Variants in NDFIP1 observed in about 807,000 individuals in gnomAD.
The protein encoded by NDFIP1 is NEDD4 family-interacting protein 1.
A neutral mutation model predicts 28.8 loss-of-function variants in NDFIP1; 7 were observed. That is an observed-to-expected ratio of 0.24 (90% CI 0.14 to 0.46). The LOEUF (loss-of-function observed/expected upper bound fraction) is 0.46, where lower values mean the gene tolerates loss of function less well. Among genes scored for constraint, NDFIP1 ranks in the 20% least tolerant of loss-of-function variants. The probability of loss-of-function intolerance (pLI) is 0.99; values close to 1 mark genes in which losing one functional copy is unlikely to be tolerated. For synonymous variants in NDFIP1, 92 were observed against 101.0 expected, an observed-to-expected ratio of 0.91 and a Z score of 0.53; for missense variants, 194 against 269.1, an observed-to-expected ratio of 0.72 and a Z score of 1.95.
chr5:142,142,940 A>AAAAAAATATATAT (rs60076432), intron 6 of NDFIP1: 3 of 38,144 alleles, frequency 7.9e-5, no homozygotes, highest in South Asian at 8.0e-4. Context: ...AAAAAAAAAA[A>AAAAAAATATATAT]ATATATATAT....
chr5:142,117,763 C>A (rs1410024218), intron 1 of NDFIP1, among the ~76,000 whole-genome samples: 1 of 141,846 alleles, frequency 7.0e-6, no homozygotes, highest in Non-Finnish European at 1.5e-5. Context: ...GGGCCTCACT[C>A]TGCACCCAGG....
intron 1 of NDFIP1, among the ~76,000 whole-genome samples, chr5:142,119,053 A>AG (rs1275920899): frequency 6.6e-6 from 1 of 152,244 alleles, no homozygotes. Flanking sequence ...TGACAGAGCA[A>AG]GGAACTATAT....
chr5:142,140,850 A>G (rs571453843), intron 6 of NDFIP1, among the ~76,000 whole-genome samples: 84 of 152,306 alleles, frequency 5.5e-4, no homozygotes, highest in Admixed American at 9.8e-4. Context: ...GGTTCTTCCT[A>G]ACCTATACAT....
chr5:142,131,665 T>G (rs935294022), intron 1 of NDFIP1, 143 bp from the exon 2 acceptor site: 1 of 575,084 alleles, frequency 1.7e-6, no homozygotes, highest in Non-Finnish European at 2.9e-6. Flanking sequence ...AGTAGAATAC[T>G]TTTCTTAAAG....
At position 142,153,328 on chromosome 5, in the gene NDFIP1, A is replaced by T; in HGVS notation, c.*1600A>T. Reference sequence around the variant, plus strand: ...ACCAAGATGGTCAAATTACTACACAAATCAGCACCAGCACAGTCTGATAGC... The same window carrying T: ...ACCAAGATGGTCAAATTACTACACATATCAGCACCAGCACAGTCTGATAGC... On this transcript the variant is annotated 3_prime_UTR_variant, in exon 8 of 8. Coordinates refer to ENST00000253814, the MANE Select transcript of NDFIP1 (RefSeq NM_030571.4). 2.2e-6 allele frequency: 1 copy of T among 456,716 alleles called. No individual in the cohort carries two copies. The highest frequency in any genetic ancestry group is 4.4e-6 in the Non-Finnish European group (1 of 226,958). The allele number at this position is 456,716 out of a possible 1,614,324, so 28.3% of individuals were successfully genotyped here. A position where few individuals can be genotyped will look rare whatever the true frequency, so the allele number is the denominator to read the frequency against.
intron 6 of NDFIP1, among the ~76,000 whole-genome samples, chr5:142,141,608 T>C (rs1757332787): frequency 6.6e-6 from 1 of 152,210 alleles, no homozygotes; most frequent in South Asian, 2.1e-4. Flanking sequence ...ATATATATGA[T>C]ACAGTTAGAG....
In NDFIP1 at chr5:142,108,938, C is replaced by A. The variant is rs1257345948; in HGVS notation, c.-37C>A. 2.6e-5 allele frequency: 36 copies of A among 1,407,860 alleles called. No individual in the cohort carries two copies. The highest frequency in any genetic ancestry group is 3.2e-5 in the Non-Finnish European group (35 of 1,080,188). 87.2% of individuals were successfully genotyped at this position (1,407,860 alleles called of 1,614,324 possible). ...AGCGGCCGCGCCCCTTCAGCTAGCT[C>A]GCTCGCTCGCTCTGCTTCCCTGCTG... is the stretch of plus-strand genomic sequence containing the variant. On this transcript the variant is annotated 5_prime_UTR_variant, in exon 1 of 8. Transcript: ENST00000253814.
rs774710593 is a variant in NDFIP1, at chr5:142,144,616, G to T, written c.608G>T (p.Arg203Leu). The T allele has an allele frequency of 1.2e-6, 2 of 1,612,824 alleles. No individual in the cohort carries two copies. Among genetic ancestry groups the T allele is most frequent in the Non-Finnish European group, 1.7e-6 (2 of 1,179,476 alleles). Residue 203 changes from arginine to leucine, a missense_variant, in exon 7 of 8, where the codon CGG becomes CTG. Arg to Leu is a moderately radical substitution (Grantham distance 102). Coordinates refer to ENST00000253814, the MANE Select transcript of NDFIP1 (RefSeq NM_030571.4). ...GGATTTATCAATTATGCAAAAGTTCGGAAGATGCCAGAAACTTTCTCAAAT... is the reference window on the plus strand; with the variant it reads ...GGATTTATCAATTATGCAAAAGTTCTGAAGATGCCAGAAACTTTCTCAAAT... ...LRGFINYAKV[R>L]KMPETFSNLP...
At chr5:142,146,364 T>C (rs1011134097) in intron 7 of NDFIP1, among the ~76,000 whole-genome samples, 2 of 152,248 alleles carry the variant, frequency 1.3e-5, no homozygotes, top group African/African-American at 2.4e-5. Flanking sequence ...TTTGTTTATG[T>C]CTAGAACATA....
At chr5:142,142,941 ATAT>A (rs1206574387) in intron 6 of NDFIP1, 524 of 32,292 alleles carry the variant, frequency 0.016, 8 homozygotes, top group Non-Finnish European at 0.026. Flanking sequence ...AAAAAAAAAA[ATAT>A]ATATATATAT....
chr5:142,131,555 C>T (rs1358802332), intron 1 of NDFIP1, among the ~76,000 whole-genome samples: 3 of 152,048 alleles, frequency 2.0e-5, no homozygotes, highest in African/African-American at 4.8e-5. Flanking sequence ...TTATTTGTCT[C>T]CTATGATTGG....
chr5:142,139,595 A>C (rs1044998527), intron 5 of NDFIP1, among the ~76,000 whole-genome samples: 22 of 152,196 alleles, frequency 1.4e-4, no homozygotes, highest in Admixed American at 1.3e-4. Context: ...GAAGCAAGGA[A>C]AGCTTCTCAG....
intron 2 of NDFIP1, 97 bp downstream of exon 2, chr5:142,131,992 G>T: frequency 7.9e-7 from 1 of 1,266,098 alleles, no homozygotes; most frequent in Non-Finnish European, 1.1e-6. Flanking sequence ...GCAGTTGGAA[G>T]AAAGGTTACA....
At chr5:142,118,970 T>A (rs544509280) in intron 1 of NDFIP1, among the ~76,000 whole-genome samples, 3 of 152,280 alleles carry the variant, frequency 2.0e-5, no homozygotes, top group Non-Finnish European at 4.4e-5. Flanking sequence ...TTCCTTTTAT[T>A]GAAAAATAAT....
intron 1 of NDFIP1, among the ~76,000 whole-genome samples, chr5:142,123,704 A>G (rs893905042): frequency 1.4e-4 from 21 of 152,186 alleles, no homozygotes; most frequent in African/African-American, 5.1e-4. Context: ...TGAGTCTGAT[A>G]CAGCCATTAT....
At chr5:142,119,689 A>G (rs1757103544) in intron 1 of NDFIP1, among the ~76,000 whole-genome samples, 1 of 152,136 alleles carries the variant, frequency 6.6e-6, no homozygotes, top group Non-Finnish European at 1.5e-5. Context: ...TCTGCTAATG[A>G]TCATGTTTGC....
intron 3 of NDFIP1, chr5:142,133,949 T>C (rs1381423431): frequency 6.6e-6 from 1 of 152,116 alleles, no homozygotes; most frequent in African/African-American, 2.4e-5. Flanking sequence ...GCCCGGAGTT[T>C]TGATGGGTAA....
At chr5:142,150,674 C>T (rs948518508) in intron 7 of NDFIP1, among the ~76,000 whole-genome samples, 1 of 149,774 alleles carries the variant, frequency 6.7e-6, no homozygotes, top group Non-Finnish European at 1.5e-5. Context: ...TGCAGTGAGC[C>T]GAGCTCGCGC....
Position 142,108,946 on chromosome 5 carries a change from C to G in NDFIP1, c.-29C>G. 2.1e-6 allele frequency: 3 copies of G among 1,428,378 alleles called. No individual in the cohort carries two copies. Among genetic ancestry groups the G allele is most frequent in the Non-Finnish European group, 2.7e-6 (3 of 1,093,250 alleles). 88.5% of individuals were successfully genotyped at this position (1,428,378 alleles called of 1,614,324 possible). A position where few individuals can be genotyped will look rare whatever the true frequency, so the allele number is the denominator to read the frequency against. Reference sequence around the variant, plus strand: ...CGCCCCTTCAGCTAGCTCGCTCGCTCGCTCTGCTTCCCTGCTGCCGGCTGC... The same window carrying G: ...CGCCCCTTCAGCTAGCTCGCTCGCTGGCTCTGCTTCCCTGCTGCCGGCTGC... On this transcript the variant is annotated 5_prime_UTR_variant, in exon 1 of 8. Transcript: ENST00000253814.
Sources: allele counts gnomAD v4.1 joint callset (sites outside exome capture counted in the v4.1 genomes callset), GRCh38; gene constraint gnomAD v4.1.1; transcripts MANE v1.5; gene names NCBI Gene and HGNC (gene_info 2026-07-23, HGNC 2026-07-21).